The following DGKI variants were observed in gnomAD, a reference collection of about 807,000 sequenced individuals.
DGKI encodes diacylglycerol kinase iota, also known as DAG kinase iota.
In DGKI, 55 loss-of-function variants were observed where a neutral mutation model predicts 147.5. That is an observed-to-expected ratio of 0.37 (90% confidence interval 0.30 to 0.47). The LOEUF (loss-of-function observed/expected upper bound fraction) is 0.47, where lower values mean the gene tolerates loss of function less well. DGKI is among the 20% of genes least tolerant of loss of function. The pLI, the probability that DGKI is intolerant of heterozygous loss-of-function variation, is 1.00. For synonymous variants in DGKI, 469 were observed against 477.1 expected, an observed-to-expected ratio of 0.98 and a Z score of 0.22; for missense variants, 1,007 against 1,323.8, an observed-to-expected ratio of 0.76 and a Z score of 3.71.
In DGKI at chr7:137,571,167, T is replaced by A. The variant is rs1818781208; in HGVS notation, c.1947+8A>T. 6.3e-7 allele frequency: 1 copy of A among 1,578,946 alleles called. No individual in the cohort carries two copies. Among genetic ancestry groups the A allele is most frequent in the African/African-American group, 1.4e-5 (1 of 72,986 alleles). On this transcript the variant is annotated splice_region_variant and intron_variant, in intron 19 of 32. Transcript: ENST00000614521. ...ATTTCATTTTAATAAAACAGTTATA[T>A]TGCTCACCAAAGAGGCCATGGTAAA... is the stretch of plus-strand genomic sequence containing the variant.
In DGKI at chr7:137,585,306, A is replaced by G; in HGVS notation, c.1466T>C (p.Val489Ala). The change falls in exon 14 of 33, where the codon GTG (valine) becomes GCG (alanine). Residue 489 changes from valine to alanine, a missense_variant. Val to Ala is a moderately conservative substitution (Grantham distance 64, BLOSUM62 0). Coordinates refer to ENST00000614521, the MANE Select transcript of DGKI (RefSeq NM_001321708.2). ...DEPVSKILCQ[V>A]EDGTVVQLDR... ...TAGCTGTACAACTGTCCCATCTTCC[A>G]CTTGACACAGGATCTTAGAAACAGG... 1.2e-6 allele frequency: 2 copies of G among 1,614,110 alleles called. No individual in the cohort carries two copies. The highest frequency in any genetic ancestry group is 1.3e-5 in the African/African-American group (1 of 75,016).
In DGKI at chr7:137,390,925, A is replaced by G. The variant is rs188648614; in HGVS notation, c.*295T>C. 3.9e-4 allele frequency: 150 copies of G among 381,136 alleles called. No homozygotes were observed. In the East Asian group the frequency reaches 8.9e-3, roughly 23 times the overall value. The allele number at this position is 381,136 out of a possible 1,614,324, so 23.6% of individuals were successfully genotyped here. A position where few individuals can be genotyped will look rare whatever the true frequency, so the allele number is the denominator to read the frequency against. On this transcript the variant is annotated 3_prime_UTR_variant, in exon 33 of 33. Coordinates refer to ENST00000614521, the MANE Select transcript of DGKI (RefSeq NM_001321708.2). ...ATCCTTTGAATCTTTAAAATAAATT[A>G]TACAGGTGAACACAGAAGTTCATGC...
chr7:137,558,665 C>T (rs541685565), intron 19 of DGKI, among the ~76,000 whole-genome samples: 19 of 116,272 alleles, frequency 1.6e-4, no homozygotes, highest in Non-Finnish European at 2.5e-4. Flanking sequence ...ATTGTCCACA[C>T]TAATAAATAT....
rs28701664 is a variant in DGKI at position 137,381,295 on chromosome 7, C to T, written c.*9925G>A. The T allele has an allele frequency of 0.011, 1 of 94 alleles. No individual in the cohort carries two copies. Among genetic ancestry groups the T allele is most frequent in the African/African-American group, 0.02 (1 of 50 alleles). 0.0% of individuals were successfully genotyped at this position (94 alleles called of 1,614,324 possible). A position where few individuals can be genotyped will look rare whatever the true frequency, so the allele number is the denominator to read the frequency against. ...TCTTCCCTTTCCCATCCCACCCCCC[C>T]CCCCCCACCCACCCTCCCTCCACTT... On this transcript the variant is annotated 3_prime_UTR_variant, in exon 33 of 33. Transcript: ENST00000614521.
At chr7:137,422,588 T>C (rs1030136539) in intron 28 of DGKI, among the ~76,000 whole-genome samples, 2 of 137,534 alleles carry the variant, frequency 1.5e-5, no homozygotes, top group Non-Finnish European at 3.1e-5. Flanking sequence ...CATTTTCTTT[T>C]TCTTTTCTTT....
At chr7:137,555,306 G>A (rs573845428) in intron 19 of DGKI, among the ~76,000 whole-genome samples, 5 of 151,994 alleles carry the variant, frequency 3.3e-5, no homozygotes, top group South Asian at 2.1e-4. Flanking sequence ...TGGGAGGATG[G>A]CATGAGGTCA....
intron 21 of DGKI, among the ~76,000 whole-genome samples, chr7:137,514,389 C>T (rs1816681495): frequency 6.6e-6 from 1 of 152,144 alleles, no homozygotes; most frequent in African/African-American, 2.4e-5. Flanking sequence ...ATTTTTCACT[C>T]CACAATCTCG....
At chr7:137,589,855 C>G (rs1484958253) in intron 12 of DGKI, among the ~76,000 whole-genome samples, 1 of 152,152 alleles carries the variant, frequency 6.6e-6, no homozygotes, top group East Asian at 1.9e-4. Context: ...TTCAACCTCT[C>G]CTTTATGATT....
chr7:137,412,425 C>A (rs1332986079), intron 28 of DGKI, among the ~76,000 whole-genome samples: 2 of 152,164 alleles, frequency 1.3e-5, no homozygotes, highest in African/African-American at 2.4e-5. Context: ...GTGCCCCCTC[C>A]AGCCTTGGTA....
intron 30 of DGKI, among the ~76,000 whole-genome samples, chr7:137,406,784 C>A (rs1234849983): frequency 6.6e-6 from 1 of 151,848 alleles, no homozygotes; most frequent in Non-Finnish European, 1.5e-5. Flanking sequence ...TTATTTTTTT[C>A]TTTAGCCTGC....
chr7:137,458,568 C>T (rs1814296593), intron 27 of DGKI, among the ~76,000 whole-genome samples: 2 of 152,110 alleles, frequency 1.3e-5, no homozygotes. Flanking sequence ...TCTCCTAGAC[C>T]CTTTACCTGC....
At chr7:137,723,732 CAG>C (rs1348442254) in intron 1 of DGKI, among the ~76,000 whole-genome samples, 6 of 96,314 alleles carry the variant, frequency 6.2e-5, no homozygotes, top group Admixed American at 5.0e-4. Flanking sequence ...TTTTTTGAGA[CAG>C]AGTCTTTCTC....
chr7:137,436,086 T>G (rs1813271095), intron 28 of DGKI, among the ~76,000 whole-genome samples: 1 of 152,144 alleles, frequency 6.6e-6, no homozygotes, highest in Non-Finnish European at 1.5e-5. Flanking sequence ...GTATCTAACT[T>G]TCTTAATCTT....
At chr7:137,543,586 A>T (rs531830261) in intron 20 of DGKI, among the ~76,000 whole-genome samples, 1 of 152,308 alleles carries the variant, frequency 6.6e-6, no homozygotes, top group African/African-American at 2.4e-5. Flanking sequence ...GGAAGCAACA[A>T]TTGCTTCAAG....
At position 137,600,220 on chromosome 7, in the gene DGKI, G is replaced by A. The variant is rs531238672; in HGVS notation, c.1168-315C>T. ...GCCGAGATCACACCATTGCACTCCA[G>A]CCTGAGTGACAGGAGTGAAACCCTG... On this transcript the variant is annotated intron_variant, in intron 10 of 32. Coordinates refer to ENST00000614521, the MANE Select transcript of DGKI (RefSeq NM_001321708.2). Among the ~76,000 whole-genome samples, 213 of 152,246 alleles carry A rather than the reference G, an allele frequency of 1.4e-3. 2 individuals are homozygous for A. The highest frequency in any genetic ancestry group is 4.6e-3 in the African/African-American group (190 of 41,532).
chr7:137,788,604 T>C (rs937925714), intron 1 of DGKI, among the ~76,000 whole-genome samples: 1 of 151,402 alleles, frequency 6.6e-6, no homozygotes, highest in Non-Finnish European at 1.5e-5. Context: ...TCTAGATTGG[T>C]TGGAATGCCC....
chr7:137,407,135 GTAT>G (rs1811983202), intron 30 of DGKI, among the ~76,000 whole-genome samples: 2 of 152,274 alleles, frequency 1.3e-5, no homozygotes, highest in South Asian at 4.1e-4. Context: ...TAGCTAGGCA[GTAT>G]TTTTCCCCTT....
intron 2 of DGKI, among the ~76,000 whole-genome samples, chr7:137,686,363 G>A (rs1375010554): frequency 6.6e-6 from 1 of 152,164 alleles, no homozygotes; most frequent in Non-Finnish European, 1.5e-5. Context: ...TCATACTGAA[G>A]ACTGATCCAG....
intron 6 of DGKI, among the ~76,000 whole-genome samples, chr7:137,626,495 T>C (rs933534238): frequency 6.6e-6 from 1 of 152,112 alleles, no homozygotes; most frequent in Non-Finnish European, 1.5e-5. Flanking sequence ...CAGAGTCTAG[T>C]GGGCCAAAGG....
Sources: allele counts gnomAD v4.1 joint callset (sites outside exome capture counted in the v4.1 genomes callset), GRCh38; gene constraint gnomAD v4.1.1; transcripts MANE v1.5; gene names NCBI Gene and HGNC (gene_info 2026-07-23, HGNC 2026-07-21).